PEX5L: variants seen among roughly 807,000 people sequenced by gnomAD.
The protein encoded by PEX5L is peroxisomal biogenesis factor 5 like, also known as PEX5-related protein.
PEX5L carries 30 observed loss-of-function variants against 84.0 expected under a neutral mutation model. The ratio of observed to expected loss-of-function variants is 0.36; its 90% confidence interval spans 0.27 to 0.48. The LOEUF (loss-of-function observed/expected upper bound fraction) is 0.48. Ranked by LOEUF, PEX5L falls within the 20% of genes least tolerant of loss-of-function variation. The pLI is 0.99. For synonymous variants in PEX5L, 270 were observed against 283.1 expected, an observed-to-expected ratio of 0.95 and a Z score of 0.46; for missense variants, 533 against 754.6, an observed-to-expected ratio of 0.71 and a Z score of 3.44.
intron 8 of PEX5L, among the ~76,000 whole-genome samples, chr3:179,824,706 C>CAAAAAAA (rs11296415): frequency 2.8e-5 from 2 of 70,512 alleles, no homozygotes; most frequent in Admixed American, 1.7e-4. Flanking sequence ...AACTCCATCT[C>CAAAAAAA]AAAAAAAAAA....
rs1240985473 is a variant in PEX5L at position 179,800,161 on chromosome 3, C to T, written c.*1667G>A. 5.3e-5 allele frequency: 8 copies of T among 152,310 alleles called. No homozygotes were observed. Among genetic ancestry groups the T allele is most frequent in the Non-Finnish European group, 7.3e-5 (5 of 68,034 alleles). The allele number at this position is 152,310 out of a possible 1,614,324, so 9.4% of individuals were successfully genotyped here. A position where few individuals can be genotyped will look rare whatever the true frequency, so the allele number is the denominator to read the frequency against. ...AGGAGAGGATTTTATTCCTGTACCT[C>T]GCATTCAATTGATAAGCACGTGTGC... On this transcript the variant is annotated 3_prime_UTR_variant, in exon 15 of 15. Transcript: ENST00000467460.
intron 8 of PEX5L, among the ~76,000 whole-genome samples, chr3:179,854,229 G>A (rs1202842454): frequency 2.0e-5 from 3 of 151,704 alleles, no homozygotes; most frequent in Non-Finnish European, 2.9e-5. Context: ...AGAGTTCAAC[G>A]TGAGCTTGAG....
intron 2 of PEX5L, among the ~76,000 whole-genome samples, chr3:179,960,661 A>T (rs1012651991): frequency 1.3e-5 from 2 of 152,220 alleles, no homozygotes; most frequent in African/African-American, 4.8e-5. Context: ...TTCCTTTTTT[A>T]AAAAATGCAA....
intron 7 of PEX5L, among the ~76,000 whole-genome samples, chr3:179,868,521 T>C (rs1428962638): frequency 1.3e-5 from 2 of 152,124 alleles, no homozygotes; most frequent in African/African-American, 2.4e-5. Flanking sequence ...CCAAAATATA[T>C]TTCTTTGACA....
In PEX5L at chr3:179,950,064, G is replaced by A. The variant is rs866033197; in HGVS notation, c.93+21530C>T. 1.3e-4 allele frequency among the ~76,000 whole-genome samples: 20 copies of A among 152,284 alleles called. 1 individual carries two copies. In the Middle Eastern group the frequency reaches 0.02, roughly 155 times the overall value. The stretch of plus-strand genomic sequence containing the variant: ...CTATTGGTACTGTGAAACTGTGGTC[G>A]AAGGACTGTGTGCTCTCTGGCACTG... On this transcript the variant is annotated intron_variant, in intron 2 of 14. Coordinates refer to ENST00000467460, the MANE Select transcript of PEX5L (RefSeq NM_016559.3).
chr3:179,848,299 C>T (rs2108417358), intron 8 of PEX5L, among the ~76,000 whole-genome samples: 1 of 152,028 alleles, frequency 6.6e-6, no homozygotes, highest in Admixed American at 6.5e-5. Flanking sequence ...ACCTGCAATC[C>T]CAGCACTTTG....
chr3:179,906,603 C>A (rs2109115950), intron 2 of PEX5L, among the ~76,000 whole-genome samples: 1 of 151,918 alleles, frequency 6.6e-6, no homozygotes, highest in African/African-American at 2.4e-5. Flanking sequence ...TTTGAGAGGC[C>A]TTTGAGGATT....
In PEX5L at chr3:179,919,176, G is replaced by T. The variant is rs115023234; in HGVS notation, c.94-20930C>A. Among the ~76,000 whole-genome samples the T allele has an allele frequency of 3.1e-3, 465 of 152,308 alleles. 2 individuals carry two copies. Among genetic ancestry groups the T allele is most frequent in the African/African-American group, 0.011 (452 of 41,568 alleles). On this transcript the variant is annotated intron_variant, in intron 2 of 14. Transcript: ENST00000467460. ...AGACACTGCCAAACTCTTTATGTGG[G>T]AGATCAAATGGAATCCTTGAAACAC...
intron 8 of PEX5L, among the ~76,000 whole-genome samples, chr3:179,830,857 TGACA>T (rs1476735539): frequency 1.3e-5 from 2 of 152,192 alleles, no homozygotes; most frequent in African/African-American, 2.4e-5. Flanking sequence ...CCACAGATCC[TGACA>T]GACAAAGGGG....
intron 1 of PEX5L, among the ~76,000 whole-genome samples, chr3:180,000,260 T>C (rs1014373222): frequency 1.3e-5 from 2 of 151,884 alleles, no homozygotes; most frequent in African/African-American, 4.8e-5. Flanking sequence ...AGGCTAAGAA[T>C]GGAGTTACAG....
intron 5 of PEX5L, 30 bp from the exon 6 acceptor site, chr3:179,875,507 AGGTGGCGGCAGGGCGGGGTAGGGGGAGC>A: frequency 1.6e-6 from 2 of 1,232,706 alleles, no homozygotes; most frequent in Non-Finnish European, 1.1e-6. Flanking sequence ...CAGGTGAGGC[AGGTGGCGGCAGGGCGGGGTAGGGGGAGC>A]GGTGGCGGGG....
At chr3:179,868,711 C>T (rs1226593219) in intron 7 of PEX5L, among the ~76,000 whole-genome samples, 2 of 152,100 alleles carry the variant, frequency 1.3e-5, no homozygotes, top group Non-Finnish European at 2.9e-5. Context: ...CTCTCTGAGA[C>T]TCCTACCTGC....
intron 4 of PEX5L, among the ~76,000 whole-genome samples, chr3:179,882,069 G>T (rs1754331184): frequency 6.6e-6 from 1 of 152,152 alleles, no homozygotes; most frequent in South Asian, 2.1e-4. Flanking sequence ...CTATTATGTT[G>T]GCAAGGAGTC....
At chr3:179,906,964 CAT>C (rs1763442592) in intron 2 of PEX5L, among the ~76,000 whole-genome samples, 1 of 152,116 alleles carries the variant, frequency 6.6e-6, no homozygotes, top group African/African-American at 2.4e-5. Flanking sequence ...GGAGGTGAGA[CAT>C]AGCCTCTTTT....
intron 1 of PEX5L, among the ~76,000 whole-genome samples, chr3:180,027,386 A>G (rs1230710147): frequency 6.6e-6 from 1 of 152,212 alleles, no homozygotes; most frequent in Non-Finnish European, 1.5e-5. Context: ...AAAATTACAA[A>G]AAGAGTACAA....
chr3:179,886,388 T>C (rs1460167360), intron 4 of PEX5L, among the ~76,000 whole-genome samples: 1 of 152,112 alleles, frequency 6.6e-6, no homozygotes, highest in Non-Finnish European at 1.5e-5. Context: ...AGAAAATGAT[T>C]GCTGTGGTGT....
chr3:179,983,401 A>G (rs1442005097), intron 1 of PEX5L, among the ~76,000 whole-genome samples: 1 of 152,066 alleles, frequency 6.6e-6, no homozygotes, highest in Admixed American at 6.5e-5. Context: ...GCACATAAGT[A>G]TTGTCTGCAG....
chr3:179,837,144 G>A (rs529964514), intron 8 of PEX5L, among the ~76,000 whole-genome samples: 2 of 152,116 alleles, frequency 1.3e-5, no homozygotes, highest in South Asian at 2.1e-4. Flanking sequence ...TTCAATATCT[G>A]GCTATAAATT....
chr3:180,025,597 A>C (rs1440217271), intron 1 of PEX5L, among the ~76,000 whole-genome samples: 2 of 152,166 alleles, frequency 1.3e-5, no homozygotes, highest in African/African-American at 4.8e-5. Flanking sequence ...GCACTCACTG[A>C]GGGGGTAACA....
Sources: gnomAD v4.1 joint callset for allele counts (sites outside exome capture counted in the v4.1 genomes callset) on GRCh38, gnomAD v4.1.1 for gene constraint, MANE v1.5 for transcripts, NCBI Gene and HGNC (gene_info 2026-07-23, HGNC 2026-07-21) for gene names.